The following KANSL1 variants were observed in gnomAD, a reference collection of about 807,000 sequenced individuals.
KANSL1 encodes KAT8 regulatory NSL complex subunit 1.
A neutral mutation model predicts 103.6 loss-of-function variants in KANSL1; 22 were observed. That is an observed-to-expected ratio of 0.21 (90% CI 0.15 to 0.30). KANSL1 has a LOEUF of 0.30. KANSL1 is among the 10% of genes least tolerant of loss of function. The probability of loss-of-function intolerance (pLI) is 1.00; values close to 1 mark genes in which losing one functional copy is unlikely to be tolerated. For missense variants in KANSL1, 1,337 were observed against 1,399.8 expected (o/e 0.96, Z 0.72); for synonymous variants, 600 against 527.6 (o/e 1.14, Z -1.88).
chr17:46,149,451 G>A (rs1558247), intron 2 of KANSL1, among the ~76,000 whole-genome samples: 17,293 of 150,370 alleles, frequency 0.12, no homozygotes, highest in Non-Finnish European at 0.17. Flanking sequence ...TTTCTGTAAA[G>A]GGCCAGATGG....
intron 6 of KANSL1, among the ~76,000 whole-genome samples, chr17:46,059,088 GC>G (rs1188628439): frequency 6.6e-6 from 1 of 151,292 alleles, no homozygotes; most frequent in African/African-American, 2.4e-5. Context: ...AAAGAGCAGA[GC>G]TTTTGGTACT....
chr17:46,037,495 GT>G (rs1188792618), intron 10 of KANSL1: 1 of 152,238 alleles, frequency 6.6e-6, no homozygotes, highest in Non-Finnish European at 1.5e-5. Flanking sequence ...AACTTCCTAA[GT>G]TGCCTCTGCA....
At chr17:46,105,420 C>G (rs1264568270) in intron 2 of KANSL1, among the ~76,000 whole-genome samples, 1 of 152,024 alleles carries the variant, frequency 6.6e-6, no homozygotes, top group Non-Finnish European at 1.5e-5. Flanking sequence ...AGTTCAAGAC[C>G]AGCCTGACCA....
chr17:46,078,592 T>C (rs1052081072), intron 4 of KANSL1, among the ~76,000 whole-genome samples: 8 of 152,350 alleles, frequency 5.3e-5, no homozygotes, highest in Middle Eastern at 3.4e-3. Context: ...GACTATTGAA[T>C]TCTAGAAGCT....
chr17:46,103,015 T>G (rs548637077), intron 2 of KANSL1, among the ~76,000 whole-genome samples: 1 of 152,228 alleles, frequency 6.6e-6, no homozygotes, highest in East Asian at 1.9e-4. Context: ...GCAGAAGACA[T>G]TAGGTGGAAC....
At chr17:46,218,211 C>T (rs1354071391) in intron 1 of KANSL1, among the ~76,000 whole-genome samples, 1 of 152,232 alleles carries the variant, frequency 6.6e-6, no homozygotes, top group Non-Finnish European at 1.5e-5. Flanking sequence ...TTAAGCCACT[C>T]AGCATATGTC....
At chr17:46,054,582 CA>C (rs1428295007) in intron 6 of KANSL1, among the ~76,000 whole-genome samples, 2 of 152,226 alleles carry the variant, frequency 1.3e-5, no homozygotes, top group Admixed American at 6.5e-5. Context: ...AATGACTTCT[CA>C]TCTCACGAGG....
intron 10 of KANSL1, 168 bp downstream of exon 10, chr17:46,038,370 T>G (rs750844398): frequency 1.2e-5 from 8 of 692,628 alleles, no homozygotes; most frequent in Non-Finnish European, 1.9e-5. Flanking sequence ...TCAAGTACCA[T>G]GACTTTGACT....
intron 1 of KANSL1, among the ~76,000 whole-genome samples, chr17:46,209,876 C>A (rs2048101063): frequency 6.6e-6 from 1 of 152,286 alleles, no homozygotes; most frequent in African/African-American, 2.4e-5. Context: ...ATATGAGTGA[C>A]CTTCTCTAAA....
At chr17:46,103,932 G>A (rs2042424112) in intron 2 of KANSL1, among the ~76,000 whole-genome samples, 1 of 152,214 alleles carries the variant, frequency 6.6e-6, no homozygotes, top group African/African-American at 2.4e-5. Context: ...GGAGGCTGAG[G>A]CAGGAGAATT....
chr17:46,193,499 C>A (rs1369358668), upstream of KANSL1: 1 of 148,798 alleles, frequency 6.7e-6, no homozygotes, highest in Non-Finnish European at 1.5e-5. Context: ...CCGCCGGCTG[C>A]GGCTGCGGCG....
At chr17:46,182,545 GCTT>G (rs2046841154) in intron 1 of KANSL1, among the ~76,000 whole-genome samples, 1 of 152,324 alleles carries the variant, frequency 6.6e-6, no homozygotes, top group Non-Finnish European at 1.5e-5. Flanking sequence ...GGCCAACAGG[GCTT>G]CTTAACTGAA....
intron 1 of KANSL1, among the ~76,000 whole-genome samples, chr17:46,180,977 T>C (rs2046763794): frequency 6.6e-6 from 1 of 152,078 alleles, no homozygotes. Flanking sequence ...ATCAGTTGGG[T>C]AGGATGGATT....
rs181394329 is a variant in KANSL1, at chr17:46,129,862, G to A, written c.1290-35161C>T. Among the ~76,000 whole-genome samples the A allele has an allele frequency of 3.4e-4, 51 of 152,162 alleles. No homozygotes were observed. In the East Asian group the frequency reaches 7.9e-3, roughly 24 times the overall value. On this transcript the variant is annotated intron_variant, in intron 2 of 14. Transcript: ENST00000432791. ...CTCTCCAAAAACAGAACTTAGGGCA[G>A]TACTCCTTAATAGTGACCATACATT...
intron 5 of KANSL1, 49 bp from the exon 6 acceptor site, chr17:46,066,781 A>G: frequency 2.9e-6 from 4 of 1,358,856 alleles, no homozygotes; most frequent in Non-Finnish European, 4.1e-6. Flanking sequence ...AAGAAACAAA[A>G]TAAATAAACA....
At chr17:46,106,213 T>C (rs1036625575) in intron 2 of KANSL1, among the ~76,000 whole-genome samples, 4 of 152,178 alleles carry the variant, frequency 2.6e-5, no homozygotes, top group African/African-American at 9.7e-5. Flanking sequence ...AGCTAGCTAT[T>C]ATCATTGAGC....
At chr17:46,084,150 G>A (rs888395580) in intron 3 of KANSL1, among the ~76,000 whole-genome samples, 18 of 113,140 alleles carry the variant, frequency 1.6e-4, no homozygotes, top group Admixed American at 1.2e-3. Flanking sequence ...AAGCTGAGGC[G>A]GGTGGATCAC....
chr17:46,058,032 C>G (rs1423545247), intron 6 of KANSL1, among the ~76,000 whole-genome samples: 3 of 152,296 alleles, frequency 2.0e-5, no homozygotes, highest in African/African-American at 7.2e-5. Flanking sequence ...GGGAGAGGAT[C>G]TGAAGCAGAG....
At chr17:46,080,251 T>C (rs925376282) in intron 4 of KANSL1, among the ~76,000 whole-genome samples, 8 of 136,542 alleles carry the variant, frequency 5.9e-5, no homozygotes, top group African/African-American at 1.1e-4. Flanking sequence ...AGTTTGAGGC[T>C]GAAGTGAGCT....
Sources: gnomAD v4.1 joint callset for allele counts (sites outside exome capture counted in the v4.1 genomes callset) on GRCh38, gnomAD v4.1.1 for gene constraint, MANE v1.5 for transcripts, NCBI Gene and HGNC (gene_info 2026-07-23, HGNC 2026-07-21) for gene names.